TBCK: variants seen among roughly 807,000 people sequenced by gnomAD.
The protein encoded by TBCK is TBC1 domain containing kinase, also known as TBC domain-containing protein kinase-like protein.
A neutral mutation model predicts 113.4 loss-of-function variants in TBCK; 99 were observed. The ratio of observed to expected loss-of-function variants is 0.87; its 90% CI spans 0.74 to 1.03. TBCK has a LOEUF of 1.03. Among genes scored for constraint, TBCK ranks in the 50% least tolerant of loss-of-function variants. The probability of loss-of-function intolerance (pLI) is 0.00; values close to 1 mark genes in which losing one functional copy is unlikely to be tolerated. For synonymous variants in TBCK, 369 were observed against 370.8 expected (o/e 1.00, Z 0.05); for missense variants, 1,045 against 1,061.3 (o/e 0.98, Z 0.21).
At chr4:106,257,981 A>G (rs1762167461) in intron 5 of TBCK, among the ~76,000 whole-genome samples, 1 of 152,090 alleles carries the variant, frequency 6.6e-6, no homozygotes, top group Admixed American at 6.5e-5. Flanking sequence ...CAAAAATAAT[A>G]ATAATGAAAA....
At chr4:106,261,072 T>C (rs956579300) in intron 4 of TBCK, among the ~76,000 whole-genome samples, 7 of 152,094 alleles carry the variant, frequency 4.6e-5, no homozygotes, top group Non-Finnish European at 1.0e-4. Flanking sequence ...TAATAAATGA[T>C]AAATATAATT....
intron 20 of TBCK, among the ~76,000 whole-genome samples, chr4:106,204,392 G>A (rs923712338): frequency 1.3e-5 from 2 of 152,052 alleles, no homozygotes; most frequent in Non-Finnish European, 2.9e-5. Context: ...AAGTCCCTTC[G>A]GGGTCCACCA....
intron 20 of TBCK, among the ~76,000 whole-genome samples, chr4:106,210,515 G>A (rs1316560016): frequency 1.3e-5 from 2 of 152,066 alleles, no homozygotes; most frequent in Non-Finnish European, 2.9e-5. Context: ...GATCTGAAAG[G>A]TTCCCTGACT....
intron 4 of TBCK, among the ~76,000 whole-genome samples, chr4:106,261,681 T>C (rs1395323036): frequency 1.2e-4 from 18 of 151,894 alleles, no homozygotes; most frequent in African/African-American, 3.6e-4. Context: ...AGGAGATAAA[T>C]AGAAGAGGAA....
Position 106,073,320 on chromosome 4 carries a change from CT to C in TBCK, c.2571+22161del, listed in dbSNP as rs528530412. ...CTTTTTGTTGATGTTGATGCTATTC[CT>C]TTCTGTTTGTTAGTCTTCCTTCTAA... is the stretch of plus-strand genomic sequence containing the variant. On this transcript the variant is annotated intron_variant, in intron 25 of 25. Coordinates refer to ENST00000394708, the MANE Select transcript of TBCK (RefSeq NM_001163435.3). Among the ~76,000 whole-genome samples the C allele has an allele frequency of 2.6e-5, 4 of 152,238 alleles. No individual in the cohort carries two copies. In the South Asian group the frequency reaches 8.3e-4, roughly 32 times the overall value.
intron 2 of TBCK, among the ~76,000 whole-genome samples, chr4:106,301,965 A>G (rs952101666): frequency 2.6e-5 from 4 of 152,232 alleles, no homozygotes; most frequent in African/African-American, 4.8e-5. Context: ...CAAATTTTTC[A>G]AAGTAGATGC....
chr4:106,159,254 G>T (rs932208893), intron 23 of TBCK, among the ~76,000 whole-genome samples: 2 of 152,050 alleles, frequency 1.3e-5, no homozygotes, highest in African/African-American at 4.8e-5. Flanking sequence ...CTGCTTTTGG[G>T]ATGTATTTTC....
At chr4:106,148,789 G>T (rs1748133426) in intron 23 of TBCK, among the ~76,000 whole-genome samples, 1 of 152,160 alleles carries the variant, frequency 6.6e-6, no homozygotes, top group African/African-American at 2.4e-5. Context: ...TCAACTGAAA[G>T]TCACCATCTA....
chr4:106,106,704 C>T (rs1045984590), intron 24 of TBCK, among the ~76,000 whole-genome samples: 8 of 151,996 alleles, frequency 5.3e-5, no homozygotes, highest in South Asian at 2.1e-4. Flanking sequence ...ACACACAGAC[C>T]GACGTCACTG....
chr4:106,091,774 A>G (rs1740276138), intron 25 of TBCK, among the ~76,000 whole-genome samples: 2 of 152,206 alleles, frequency 1.3e-5, no homozygotes, highest in Non-Finnish European at 2.9e-5. Context: ...CAAAGCTTCC[A>G]CAGTGTGGAA....
intron 25 of TBCK, among the ~76,000 whole-genome samples, chr4:106,082,318 A>G (rs1738973659): frequency 1.3e-5 from 2 of 152,192 alleles, no homozygotes; most frequent in South Asian, 4.1e-4. Flanking sequence ...CCATTATCCT[A>G]AGTGAACTAA....
intron 23 of TBCK, among the ~76,000 whole-genome samples, chr4:106,150,491 A>T (rs1441643630): frequency 6.6e-6 from 1 of 152,120 alleles, no homozygotes; most frequent in Non-Finnish European, 1.5e-5. Context: ...GAGTCCTAAA[A>T]ATGCACTTTC....
At chr4:106,230,952 T>TGA (rs1328610284) in intron 18 of TBCK, among the ~76,000 whole-genome samples, 2 of 151,788 alleles carry the variant, frequency 1.3e-5, no homozygotes, top group African/African-American at 2.4e-5. Flanking sequence ...GATTAATGAG[T>TGA]GAGAATATCA....
chr4:106,173,382 TGA>T (rs1372153616), intron 22 of TBCK, among the ~76,000 whole-genome samples: 1 of 152,152 alleles, frequency 6.6e-6, no homozygotes, highest in Non-Finnish European at 1.5e-5. Flanking sequence ...TGGCAGCTAA[TGA>T]GAGAAAATAC....
At chr4:106,048,583 A>G (rs902778632) in intron 25 of TBCK, among the ~76,000 whole-genome samples, 4 of 152,116 alleles carry the variant, frequency 2.6e-5, no homozygotes, top group Non-Finnish European at 5.9e-5. Flanking sequence ...AGTCCCTGGT[A>G]CCATATGATT....
intron 19 of TBCK, among the ~76,000 whole-genome samples, chr4:106,225,225 T>C (rs1758109081): frequency 6.6e-6 from 1 of 152,094 alleles, no homozygotes; most frequent in South Asian, 2.1e-4. Context: ...CCTTGTCTAT[T>C]GATTTTTTTT....
At chr4:106,232,338 A>G (rs2149995154) in intron 17 of TBCK, among the ~76,000 whole-genome samples, 1 of 152,042 alleles carries the variant, frequency 6.6e-6, no homozygotes, top group East Asian at 1.9e-4. Flanking sequence ...CAGAGCTAAG[A>G]AAAATAACAG....
intron 23 of TBCK, among the ~76,000 whole-genome samples, chr4:106,155,640 CCTT>C (rs1348009075): frequency 6.6e-6 from 1 of 152,000 alleles, no homozygotes; most frequent in Non-Finnish European, 1.5e-5. Flanking sequence ...CTCACTAACT[CCTT>C]CTGCTTGATA....
intron 3 of TBCK, among the ~76,000 whole-genome samples, chr4:106,290,486 A>G (rs1765590985): frequency 1.3e-5 from 2 of 152,156 alleles, no homozygotes; most frequent in African/African-American, 4.8e-5. Flanking sequence ...GGAATAATAT[A>G]TTCTTTTAAA....
Sources: allele counts gnomAD v4.1 joint callset (sites outside exome capture counted in the v4.1 genomes callset), GRCh38; gene constraint gnomAD v4.1.1; transcripts MANE v1.5; gene names NCBI Gene and HGNC (gene_info 2026-07-23, HGNC 2026-07-21).